The following GALNT18 variants were observed in gnomAD, a reference collection of about 807,000 sequenced individuals.
The protein encoded by GALNT18 is polypeptide N-acetylgalactosaminyltransferase 18.
GALNT18 carries 44 observed loss-of-function variants against 69.5 expected under a neutral mutation model. The observed-to-expected ratio is 0.63, with a 90% CI of 0.50 to 0.81. The LOEUF (loss-of-function observed/expected upper bound fraction) is 0.81, where lower values mean the gene tolerates loss of function less well. GALNT18 is among the 40% of genes least tolerant of loss of function. GALNT18 has a pLI of 0.00. For missense variants in GALNT18, 715 were observed against 810.0 expected (o/e 0.88, Z 1.42); for synonymous variants, 364 against 318.2 (o/e 1.14, Z -1.53).
At chr11:11,375,416 G>C (rs373899405) in intron 5 of GALNT18, among the ~76,000 whole-genome samples, 1 of 152,210 alleles carries the variant, frequency 6.6e-6, no homozygotes, top group African/African-American at 2.4e-5. Flanking sequence ...AGTTAGAGAT[G>C]AGCAGAACAG....
intron 1 of GALNT18, among the ~76,000 whole-genome samples, chr11:11,510,234 A>T (rs1166120517): frequency 6.6e-6 from 1 of 152,250 alleles, no homozygotes; most frequent in African/African-American, 2.4e-5. Context: ...GCCTCACAAT[A>T]GGAAAACCAC....
chr11:11,552,373 CAA>C (rs1488041611), intron 1 of GALNT18, among the ~76,000 whole-genome samples: 4 of 152,240 alleles, frequency 2.6e-5, no homozygotes, highest in Admixed American at 2.6e-4. Flanking sequence ...CATGTTGTAT[CAA>C]AGTTATCTTT....
In GALNT18 at chr11:11,337,501, G is replaced by C. The variant is rs771012976; in HGVS notation, c.1278+3318C>G. Among the ~76,000 whole-genome samples, 5 of 152,190 alleles carry C rather than the reference G, an allele frequency of 3.3e-5. No individual in the cohort carries two copies. The highest frequency in any genetic ancestry group is 2.9e-5 in the Non-Finnish European group (2 of 68,042). The stretch of plus-strand genomic sequence containing the variant: ...CCCAACTGATTTTGAAGTTCAGCCA[G>C]ATTTGAAAGCCACTGTTCTAATGAG... On this transcript the variant is annotated intron_variant, in intron 7 of 10. Transcript: ENST00000227756. This position sits in a 1 kb window ranked among gnomAD's most constrained non-coding sequence, Gnocchi z 4.9.
intron 9 of GALNT18, among the ~76,000 whole-genome samples, chr11:11,300,848 G>A (rs115888877): frequency 0.016 from 2,475 of 152,262 alleles, 76 homozygotes; most frequent in African/African-American, 0.057. Context: ...GCCTGGGCAC[G>A]GGGATTTATT....
At chr11:11,507,624 A>G (rs1857090894) in intron 1 of GALNT18, among the ~76,000 whole-genome samples, 1 of 152,180 alleles carries the variant, frequency 6.6e-6, no homozygotes, top group Non-Finnish European at 1.5e-5. Flanking sequence ...TATAAAACAT[A>G]TATATTCCCT....
At position 11,444,186 on chromosome 11, in the gene GALNT18, G is replaced by C. The variant is rs1855595219; in HGVS notation, c.428+4558C>G. Among the ~76,000 whole-genome samples the C allele has an allele frequency of 1.3e-5, 2 of 151,684 alleles. No homozygotes were observed. Among genetic ancestry groups the C allele is most frequent in the Admixed American group, 1.3e-4 (2 of 15,248 alleles). On this transcript the variant is annotated intron_variant, in intron 2 of 10. Coordinates refer to ENST00000227756, the MANE Select transcript of GALNT18 (RefSeq NM_198516.3). This position sits in a 1 kb window ranked among gnomAD's most constrained non-coding sequence, Gnocchi z 4.4. ...CCCCGCCTCCCTGCCACAGAGAGGT[G>C]CCTTGCAGATGCCACCCTCCAGGCC...
chr11:11,279,668 T>G (rs1363778915), intron 10 of GALNT18, among the ~76,000 whole-genome samples: 1 of 152,160 alleles, frequency 6.6e-6, no homozygotes, highest in Admixed American at 6.5e-5. Context: ...TTATTCTATT[T>G]ATATAAACCT....
chr11:11,432,626 C>G lies in GALNT18; in HGVS notation c.590G>C (p.Ser197Thr). The G allele has an allele frequency of 6.2e-7, 1 of 1,607,198 alleles. No homozygotes were observed. The highest frequency in any genetic ancestry group is 1.1e-5 in the South Asian group (1 of 89,272). Residue 197 changes from serine to threonine, a missense_variant, in exon 3 of 11, where the codon AGT becomes ACT. Ser to Thr is a moderately conservative substitution (Grantham distance 58). Coordinates refer to ENST00000227756, the MANE Select transcript of GALNT18 (RefSeq NM_198516.3). This position sits in a 1 kb window ranked among gnomAD's most constrained non-coding sequence, Gnocchi z 5.8. Reference protein sequence around the residue: ...KEIILVDDNSSNEELKEKLTE... With the variant: ...KEIILVDDNSTNEELKEKLTE... ...TGGGAAGCTCCGACACTCACCGTTA[C>G]TGCTGTTGTCATCCACCAGAATGAT...
intron 6 of GALNT18, chr11:11,352,537 G>A (rs769288911): frequency 8.7e-5 from 141 of 1,613,892 alleles, no homozygotes; most frequent in Non-Finnish European, 1.0e-4. Flanking sequence ...TTGAAGTATC[G>A]GGAAGCAACT....
rs1857831070 is a variant in GALNT18 at position 11,538,361 on chromosome 11, C to T, written c.235+82998G>A. 6.6e-6 allele frequency among the ~76,000 whole-genome samples: 1 copy of T among 152,128 alleles called. No homozygotes were observed. The highest frequency in any genetic ancestry group is 2.4e-5 in the African/African-American group (1 of 41,402). On this transcript the variant is annotated intron_variant, in intron 1 of 10. Transcript: ENST00000227756. The surrounding 1 kb of genome is among the most constrained non-coding windows in gnomAD (Gnocchi z 5.2). ...TTGGCAGGGAGCAGCTGGAGGAGGG[C>T]TGCTCTTTCTGCCGCATGTTCATTT...
At chr11:11,571,071 T>C (rs888776243) in intron 1 of GALNT18, among the ~76,000 whole-genome samples, 1 of 152,226 alleles carries the variant, frequency 6.6e-6, no homozygotes, top group Non-Finnish European at 1.5e-5. Context: ...TCCTAATTTG[T>C]TGCCTGCTTC....
In GALNT18 at chr11:11,318,323, A is replaced by G. The variant is rs921722067; in HGVS notation, c.1512+8763T>C. ...TCATTGCAGATATAATTAAATTTGC[A>G]TGAGGTCACACAGAAGTAGAATGGA... On this transcript the variant is annotated intron_variant, in intron 9 of 10. Coordinates refer to ENST00000227756, the MANE Select transcript of GALNT18 (RefSeq NM_198516.3). The surrounding 1 kb of genome is among the most constrained non-coding windows in gnomAD (Gnocchi z 5.1). Among the ~76,000 whole-genome samples, 3 of 152,330 alleles carry G rather than the reference A, an allele frequency of 2.0e-5. No individual in the cohort carries two copies. The East Asian group carries it at 5.8e-4, about 29-fold the overall frequency.
chr11:11,612,067 G>A (rs752899553), intron 1 of GALNT18, among the ~76,000 whole-genome samples: 1 of 152,088 alleles, frequency 6.6e-6, no homozygotes, highest in Non-Finnish European at 1.5e-5. Context: ...TTCCTATTCT[G>A]TAGAGAGCAT....
chr11:11,283,632 G>A (rs148067973), intron 10 of GALNT18, among the ~76,000 whole-genome samples: 1 of 152,308 alleles, frequency 6.6e-6, no homozygotes, highest in East Asian at 1.9e-4. Flanking sequence ...CTAGGCTGGG[G>A]CTTCGTGCAG....
chr11:11,406,811 T>C (rs923794470), intron 3 of GALNT18, among the ~76,000 whole-genome samples: 4 of 152,196 alleles, frequency 2.6e-5, no homozygotes, highest in African/African-American at 9.7e-5. Context: ...AAGTCAAATA[T>C]AGTCCAGGGT....
At chr11:11,304,738 C>T (rs190957276) in intron 9 of GALNT18, among the ~76,000 whole-genome samples, 2 of 152,328 alleles carry the variant, frequency 1.3e-5, no homozygotes, top group East Asian at 3.9e-4. Flanking sequence ...CCAGACATGG[C>T]CACGTTTCTA....
In GALNT18 at chr11:11,337,638, G is replaced by T. The variant is rs939142871; in HGVS notation, c.1278+3181C>A. On this transcript the variant is annotated intron_variant, in intron 7 of 10. Coordinates refer to ENST00000227756, the MANE Select transcript of GALNT18 (RefSeq NM_198516.3). This position sits in a 1 kb window ranked among gnomAD's most constrained non-coding sequence, Gnocchi z 4.9. ...AGTTGGAGCTGGCTTTCTAGAGGAGGGACCCCTGGAGCTGAGTCTCAAAGG... is the reference window on the plus strand; with the variant it reads ...AGTTGGAGCTGGCTTTCTAGAGGAGTGACCCCTGGAGCTGAGTCTCAAAGG... Among the ~76,000 whole-genome samples, 4 of 152,130 alleles carry T rather than the reference G, an allele frequency of 2.6e-5. No individual in the cohort carries two copies. Among genetic ancestry groups the T allele is most frequent in the African/African-American group, 7.2e-5 (3 of 41,442 alleles).
intron 1 of GALNT18, among the ~76,000 whole-genome samples, chr11:11,483,491 A>T (rs1168176193): frequency 1.3e-5 from 2 of 152,216 alleles, no homozygotes; most frequent in Non-Finnish European, 2.9e-5. Flanking sequence ...TCCACTGGAC[A>T]TTATTCTGAG....
intron 6 of GALNT18, chr11:11,352,185 C>T (rs756081194): frequency 3.2e-5 from 52 of 1,613,580 alleles, no homozygotes; most frequent in African/African-American, 3.1e-4. Flanking sequence ...TGCAGTAAGC[C>T]GTGACTGGTG....
Sources: gnomAD v4.1 joint callset for allele counts (sites outside exome capture counted in the v4.1 genomes callset) on GRCh38, gnomAD v4.1.1 for gene constraint, Gnocchi (gnomAD v3.1) non-coding constraint, MANE v1.5 for transcripts, NCBI Gene and HGNC (gene_info 2026-07-23, HGNC 2026-07-21) for gene names.